The following NCR3LG1 variants were observed in gnomAD, a reference collection of about 807,000 sequenced individuals.
NCR3LG1 encodes natural killer cell cytotoxicity receptor 3 ligand 1.
A neutral mutation model predicts 34.8 loss-of-function variants in NCR3LG1; 35 were observed. The ratio of observed to expected loss-of-function variants is 1.01; its 90% CI spans 0.77 to 1.33. The LOEUF (loss-of-function observed/expected upper bound fraction) is 1.33. Ranked by LOEUF, NCR3LG1 falls within the 40% of genes most tolerant of loss-of-function variation. NCR3LG1 has a pLI of 0.00. For synonymous variants in NCR3LG1, 173 were observed against 163.6 expected (o/e 1.06, Z -0.44); for missense variants, 452 against 423.3 (o/e 1.07, Z -0.60).
At chr11:17,370,365 A>C (rs969157599) in intron 4 of NCR3LG1, among the ~76,000 whole-genome samples, 1 of 152,216 alleles carries the variant, frequency 6.6e-6, no homozygotes, top group African/African-American at 2.4e-5. Context: ...TGCATTGACG[A>C]GACTAACATT....
intron 2 of NCR3LG1, among the ~76,000 whole-genome samples, chr11:17,363,756 A>C (rs1230882890): frequency 2.0e-5 from 3 of 151,550 alleles, no homozygotes; most frequent in Non-Finnish European, 4.4e-5. Context: ...GCCACTAAGC[A>C]TGGCTAATTT....
chr11:17,352,445 G>A (rs1461742761), intron 1 of NCR3LG1, among the ~76,000 whole-genome samples: 2 of 152,130 alleles, frequency 1.3e-5, no homozygotes, highest in East Asian at 1.9e-4. Flanking sequence ...AAAGTGCGGG[G>A]ATTACAGGCG....
chr11:17,354,985 T>G (rs1052880113), intron 1 of NCR3LG1, among the ~76,000 whole-genome samples: 15 of 152,276 alleles, frequency 9.9e-5, no homozygotes, highest in African/African-American at 3.6e-4. Context: ...TAGTAATGAG[T>G]CTGACTTCTT....
rs184150853 is a variant in NCR3LG1 at position 17,358,637 on chromosome 11, T to G, written c.421+1636T>G. Among the ~76,000 whole-genome samples, 474 of 152,312 alleles carry G rather than the reference T, an allele frequency of 3.1e-3. 3 individuals are homozygous for G. Among genetic ancestry groups the G allele is most frequent in the African/African-American group, 0.011 (460 of 41,572 alleles). ...GGAAGTCACTCTGTGCAGCCCACAC[T>G]TAAGGTTGGGGGTTACTTATGTTCT... is the stretch of plus-strand genomic sequence containing the variant. On this transcript the variant is annotated intron_variant, in intron 2 of 4. Coordinates refer to ENST00000338965, the MANE Select transcript of NCR3LG1 (RefSeq NM_001202439.3).
At chr11:17,352,300 A>C (rs908235971) in intron 1 of NCR3LG1, among the ~76,000 whole-genome samples, 8 of 146,538 alleles carry the variant, frequency 5.5e-5, no homozygotes, top group African/African-American at 1.3e-4. Flanking sequence ...CCTGCCTCAG[A>C]CTCCCGAGTA....
intron 4 of NCR3LG1, among the ~76,000 whole-genome samples, chr11:17,370,781 A>G (rs1953397535): frequency 6.6e-6 from 1 of 152,152 alleles, no homozygotes; most frequent in African/African-American, 2.4e-5. Flanking sequence ...GGACTTCCAG[A>G]CTTTTCTATT....
At chr11:17,357,514 C>T (rs751053942) in intron 2 of NCR3LG1, among the ~76,000 whole-genome samples, 43 of 152,168 alleles carry the variant, frequency 2.8e-4, no homozygotes, top group Non-Finnish European at 5.0e-4. Flanking sequence ...TTCAGCCCAG[C>T]ATGGGCCCTC....
intron 2 of NCR3LG1, among the ~76,000 whole-genome samples, chr11:17,360,983 C>T (rs372199515): frequency 3.9e-5 from 6 of 152,048 alleles, no homozygotes; most frequent in African/African-American, 1.4e-4. Flanking sequence ...TGATCTCCCC[C>T]GTCTCAGCCT....
chr11:17,367,279 G>C lies in NCR3LG1; in HGVS notation c.692G>C (p.Arg231Pro), dbSNP rs182355867. The C allele has an allele frequency of 6.5e-7, 1 of 1,536,192 alleles. No individual in the cohort carries two copies. Among genetic ancestry groups the C allele is most frequent in the Admixed American group, 2.0e-5 (1 of 50,994 alleles). ...DPGTVYQCVV[R>P]HASLHTPLRS... ...GGGACTGTCTACCAGTGTGTGGTACGGCATGCGTCCTTGCATACCCCCTTG... is the reference window on the plus strand; with the variant it reads ...GGGACTGTCTACCAGTGTGTGGTACCGCATGCGTCCTTGCATACCCCCTTG... Residue 231 changes from arginine to proline, a missense_variant, in exon 3 of 5, where the codon CGG (arginine) becomes CCG (proline). Coordinates refer to ENST00000338965, the MANE Select transcript of NCR3LG1 (RefSeq NM_001202439.3).
rs764939760 is a variant in NCR3LG1, at chr11:17,368,959, A to G, written c.853A>G (p.Lys285Glu). The G allele has an allele frequency of 1.3e-6, 2 of 1,528,318 alleles. No homozygotes were observed. The highest frequency in any genetic ancestry group is 2.4e-5 in the South Asian group (2 of 83,636). 94.7% of individuals were successfully genotyped at this position (1,528,318 alleles called of 1,614,324 possible). A position where few individuals can be genotyped will look rare whatever the true frequency, so the allele number is the denominator to read the frequency against. The change falls in exon 4 of 5, where the codon AAA becomes GAA. Residue 285 changes from lysine (K) to glutamate (E), a missense_variant. Lys to Glu is a moderately conservative substitution (Grantham distance 56, BLOSUM62 1). Coordinates refer to ENST00000338965, the MANE Select transcript of NCR3LG1 (RefSeq NM_001202439.3). ...TTTATTAATTGTTTTGATTCCTTGG[A>G]AAAAGGTAAGGGGCTCCAAAGCAAA... ...LVLLIVLIPW[K>E]KICNKSSSAY...
chr11:17,355,392 G>A (rs1989133), intron 1 of NCR3LG1, among the ~76,000 whole-genome samples: 70,984 of 151,432 alleles, frequency 0.47, 20,890 homozygotes, highest in African/African-American at 0.83. Flanking sequence ...GCGAGACCCT[G>A]TCTCTAAATA....
intron 3 of NCR3LG1, among the ~76,000 whole-genome samples, chr11:17,368,399 G>A (rs1953370799): frequency 6.6e-6 from 1 of 152,144 alleles, no homozygotes; most frequent in African/African-American, 2.4e-5. Flanking sequence ...GTCAGGCAAT[G>A]CCATATGGGG....
chr11:17,369,005 C>T, intron 4 of NCR3LG1, 41 bp downstream of exon 4: 2 of 1,357,530 alleles, frequency 1.5e-6, no homozygotes, highest in Non-Finnish European at 1.0e-6. Flanking sequence ...GTGTCTTGGG[C>T]TAGTAAAAAG....
Position 17,356,871 on chromosome 11 carries a change from A to G in NCR3LG1, c.291A>G (p.Pro97=). ...TCCGACCTGGAGCCATTGTGTCTCC[A>G]TGGAGGCTGAAGAGTGGGGACGCCT... ...EAFRPGAIVS[P]WRLKSGDASL... The change falls in exon 2 of 5, where the codon CCA becomes CCG. Residue 97 remains proline (P), a synonymous_variant. Coordinates refer to ENST00000338965, the MANE Select transcript of NCR3LG1 (RefSeq NM_001202439.3). The G allele has an allele frequency of 6.5e-7, 1 of 1,536,184 alleles. No homozygotes were observed. Among genetic ancestry groups the G allele is most frequent in the Non-Finnish European group, 8.7e-7 (1 of 1,146,922 alleles).
chr11:17,364,633 G>A (rs1024042421), intron 2 of NCR3LG1, among the ~76,000 whole-genome samples: 2 of 151,664 alleles, frequency 1.3e-5, no homozygotes, highest in Non-Finnish European at 2.9e-5. Flanking sequence ...TGCAACCTCC[G>A]CCTCCTGGGT....
intron 4 of NCR3LG1, among the ~76,000 whole-genome samples, 198 bp downstream of exon 4, chr11:17,369,162 A>G (rs1411437033): frequency 6.6e-6 from 1 of 152,212 alleles, no homozygotes; most frequent in Non-Finnish European, 1.5e-5. Flanking sequence ...TAGCTGTCAC[A>G]TACCATCTGA....
chr11:17,363,971 G>C (rs913889122), intron 2 of NCR3LG1, among the ~76,000 whole-genome samples: 5 of 152,070 alleles, frequency 3.3e-5, no homozygotes, highest in African/African-American at 1.2e-4. Flanking sequence ...ATCATGCCTG[G>C]TATTCTCTAA....
rs988016164 is a variant in NCR3LG1, at chr11:17,351,974, C to A, written c.5C>A (p.Thr2Lys). The A allele has an allele frequency of 2.4e-4, 328 of 1,349,128 alleles. No individual in the cohort carries two copies. Among genetic ancestry groups the A allele is most frequent in the Non-Finnish European group, 3.1e-4 (321 of 1,030,152 alleles). 83.6% of individuals were successfully genotyped at this position (1,349,128 alleles called of 1,614,324 possible). MTWRAAASTCAA... is the reference protein window; with the variant it reads MKWRAAASTCAA... ...TACACAACAGCAGCCGCGGCGATGA[C>A]GTGGAGGGCTGCCGCCTCCACGTGC... is the stretch of plus-strand genomic sequence containing the variant. The change falls in exon 1 of 5, where the codon ACG becomes AAG. Residue 2 changes from threonine to lysine, a missense_variant. Thr to Lys is a moderately conservative substitution (Grantham distance 78, BLOSUM62 -1). Coordinates refer to ENST00000338965, the MANE Select transcript of NCR3LG1 (RefSeq NM_001202439.3).
At position 17,362,800 on chromosome 11, in the gene NCR3LG1, T is replaced by TC. The variant is rs541537146; in HGVS notation, c.422-4209_422-4208insC. Among the ~76,000 whole-genome samples, 193 of 98,964 alleles carry TC rather than the reference T, an allele frequency of 2.0e-3. 11 individuals carry two copies. The highest frequency in any genetic ancestry group is 7.4e-3 in the African/African-American group (182 of 24,444). 64.9% of individuals were successfully genotyped at this position (98,964 alleles called of 152,430 possible). A position where few individuals can be genotyped will look rare whatever the true frequency, so the allele number is the denominator to read the frequency against. ...TCCTTCTTTCCTTCTTTCTCTCTCT[T>TC]TCTTTCTTTCTTTCTTTCTTCCTTT... is the stretch of plus-strand genomic sequence containing the variant. On this transcript the variant is annotated intron_variant, in intron 2 of 4. Coordinates refer to ENST00000338965, the MANE Select transcript of NCR3LG1 (RefSeq NM_001202439.3).
Sources: allele counts gnomAD v4.1 joint callset (sites outside exome capture counted in the v4.1 genomes callset), GRCh38; gene constraint gnomAD v4.1.1; transcripts MANE v1.5; gene names NCBI Gene and HGNC (gene_info 2026-07-23, HGNC 2026-07-21).